ARMC9: variants seen among roughly 807,000 people sequenced by gnomAD.
ARMC9 encodes the protein armadillo repeat containing 9, also known as lisH domain-containing protein ARMC9.
In ARMC9, 94 loss-of-function variants were observed where a neutral mutation model predicts 107.0. The ratio of observed to expected loss-of-function variants is 0.88; its 90% CI spans 0.74 to 1.04. The LOEUF (loss-of-function observed/expected upper bound fraction) is 1.04. ARMC9 is among the 50% of genes least tolerant of loss of function. ARMC9 has a pLI of 0.00. For missense variants in ARMC9, 942 were observed against 1,030.1 expected, an observed-to-expected ratio of 0.91 and a Z score of 1.17; for synonymous variants, 380 against 396.9, an observed-to-expected ratio of 0.96 and a Z score of 0.51.
chr2:231,261,429 C>T (rs1043548277), intron 11 of ARMC9, among the ~76,000 whole-genome samples: 7 of 152,226 alleles, frequency 4.6e-5, no homozygotes, highest in South Asian at 2.1e-4. Flanking sequence ...CGCACACACA[C>T]GTGCACACAA....
chr2:231,211,023 G>T (rs1244339347), intron 3 of ARMC9, among the ~76,000 whole-genome samples: 1 of 152,052 alleles, frequency 6.6e-6, no homozygotes, highest in Admixed American at 6.6e-5. Flanking sequence ...TCTGTAATTG[G>T]CTTATTTCAC....
intron 15 of ARMC9, among the ~76,000 whole-genome samples, chr2:231,277,646 T>G: frequency 6.7e-6 from 1 of 149,976 alleles, no homozygotes; most frequent in Non-Finnish European, 1.5e-5. Flanking sequence ...TGGTGCAACC[T>G]CTGCCTCCCG....
chr2:231,261,453 G>A (rs564257086), intron 11 of ARMC9, among the ~76,000 whole-genome samples: 171 of 152,340 alleles, frequency 1.1e-3, no homozygotes, highest in African/African-American at 3.9e-3. Flanking sequence ...CACATGCACT[G>A]TATCACTCTG....
chr2:231,359,024 C>A (rs930295257), intron 22 of ARMC9, among the ~76,000 whole-genome samples: 9 of 151,628 alleles, frequency 5.9e-5, no homozygotes, highest in Non-Finnish European at 1.3e-4. Flanking sequence ...GACCCCGGTG[C>A]ACACCCATGG....
intron 9 of ARMC9, chr2:231,256,095 T>A: frequency 6.5e-7 from 1 of 1,549,966 alleles, no homozygotes; most frequent in Admixed American, 2.0e-5. Context: ...CGCGCCGCCA[T>A]CATGGACACC....
chr2:231,205,783 T>A (rs545801982), intron 1 of ARMC9, among the ~76,000 whole-genome samples: 1 of 152,356 alleles, frequency 6.6e-6, no homozygotes, highest in South Asian at 2.1e-4. Context: ...CATTTCTGGA[T>A]GCAGTGGGAG....
At chr2:231,237,745 G>A (rs548509014) in intron 8 of ARMC9, among the ~76,000 whole-genome samples, 147 of 61,468 alleles carry the variant, frequency 2.4e-3, no homozygotes, top group African/African-American at 8.6e-3. Flanking sequence ...TATTGTTCTT[G>A]GCTATATGTA....
chr2:231,365,692 G>A (rs1218074224), intron 23 of ARMC9, among the ~76,000 whole-genome samples: 1 of 151,920 alleles, frequency 6.6e-6, no homozygotes, highest in Non-Finnish European at 1.5e-5. Flanking sequence ...GGAACCAGCC[G>A]CACACACAGC....
chr2:231,305,861 A>G (rs1472325665), intron 19 of ARMC9, among the ~76,000 whole-genome samples: 1 of 152,202 alleles, frequency 6.6e-6, no homozygotes, highest in Non-Finnish European at 1.5e-5. Flanking sequence ...TCAATTTCTC[A>G]CTTTTAAAGA....
chr2:231,287,187 G>A (rs2040654900), intron 17 of ARMC9, among the ~76,000 whole-genome samples: 1 of 152,176 alleles, frequency 6.6e-6, no homozygotes, highest in East Asian at 1.9e-4. Flanking sequence ...AGTGACCCTG[G>A]GGCCCACAGC....
chr2:231,333,606 T>A (rs1419550351), intron 20 of ARMC9, among the ~76,000 whole-genome samples: 1 of 152,212 alleles, frequency 6.6e-6, no homozygotes, highest in African/African-American at 2.4e-5. Context: ...TCTGTCGCCC[T>A]TTGGAAGAGC....
At chr2:231,252,571 C>T (rs915791879) in intron 9 of ARMC9, among the ~76,000 whole-genome samples, 1 of 152,102 alleles carries the variant, frequency 6.6e-6, no homozygotes, top group African/African-American at 2.4e-5. Flanking sequence ...TTAGTATGGC[C>T]ATGTCCTTAC....
chr2:231,333,408 G>T (rs921723089), intron 20 of ARMC9, among the ~76,000 whole-genome samples: 1 of 152,216 alleles, frequency 6.6e-6, no homozygotes, highest in Non-Finnish European at 1.5e-5. Flanking sequence ...GAACCACCGC[G>T]AACCCCTTCA....
At chr2:231,229,877 TA>T (rs999063578) in intron 7 of ARMC9, among the ~76,000 whole-genome samples, 3 of 151,854 alleles carry the variant, frequency 2.0e-5, no homozygotes, top group Admixed American at 2.0e-4. Flanking sequence ...ATTTACCCTT[TA>T]AAAAAAAGTA....
At chr2:231,266,270 C>T (rs2125422025) in intron 12 of ARMC9, among the ~76,000 whole-genome samples, 1 of 152,238 alleles carries the variant, frequency 6.6e-6, no homozygotes, top group Non-Finnish European at 1.5e-5. Flanking sequence ...ATGGTGGGGC[C>T]CAAGGATTTG....
At chr2:231,330,229 C>CTTTTT (rs201716312) in intron 19 of ARMC9, among the ~76,000 whole-genome samples, 5 of 134,826 alleles carry the variant, frequency 3.7e-5, no homozygotes, top group Admixed American at 7.4e-5. Flanking sequence ...CTTTTTCTTT[C>CTTTTT]TTTTTTTTTT....
intron 21 of ARMC9, among the ~76,000 whole-genome samples, chr2:231,352,457 G>A (rs550680621): frequency 2.9e-4 from 44 of 151,670 alleles, no homozygotes; most frequent in Admixed American, 9.8e-4. Context: ...CTGCCACCAC[G>A]CCCAGCTAAT....
intron 23 of ARMC9, among the ~76,000 whole-genome samples, chr2:231,365,565 G>A (rs1220839198): frequency 1.3e-5 from 2 of 152,174 alleles, no homozygotes; most frequent in African/African-American, 4.8e-5. Flanking sequence ...AGTTATTGCT[G>A]CGGACATTTC....
intron 6 of ARMC9, among the ~76,000 whole-genome samples, chr2:231,224,042 G>T (rs186731726): frequency 2.0e-5 from 3 of 152,072 alleles, no homozygotes; most frequent in African/African-American, 7.2e-5. Flanking sequence ...TAGGCAGTGT[G>T]CCCAGAGTAG....
Sources: gnomAD v4.1 joint callset for allele counts (sites outside exome capture counted in the v4.1 genomes callset) on GRCh38, gnomAD v4.1.1 for gene constraint, MANE v1.5 for transcripts, NCBI Gene and HGNC (gene_info 2026-07-23, HGNC 2026-07-21) for gene names.